Variants in DICER1 observed in about 807,000 individuals in gnomAD.
The protein encoded by DICER1 is endoribonuclease Dicer.
Under a neutral mutation model 194.1 loss-of-function variants are expected in DICER1, and 43 were observed. That is an observed-to-expected ratio of 0.22 (90% CI 0.17 to 0.29). DICER1 has a LOEUF of 0.29. DICER1 is among the 10% of genes least tolerant of loss of function. The pLI, the probability that DICER1 is intolerant of heterozygous loss-of-function variation, is 1.00. For synonymous variants in DICER1, 832 were observed against 820.5 expected, an observed-to-expected ratio of 1.01 and a Z score of -0.24; for missense variants, 1,608 against 2,317.0, an observed-to-expected ratio of 0.69 and a Z score of 6.28.
intron 17 of DICER1, among the ~76,000 whole-genome samples, chr14:95,106,496 A>G (rs570959227): frequency 6.6e-6 from 1 of 152,238 alleles, no homozygotes; most frequent in Admixed American, 6.5e-5. Flanking sequence ...GCACCTTTAC[A>G]TATCTATTTC....
At chr14:95,104,821 A>T (rs1188989619) in intron 20 of DICER1, among the ~76,000 whole-genome samples, 6 of 152,258 alleles carry the variant, frequency 3.9e-5, no homozygotes, top group Non-Finnish European at 8.8e-5. Context: ...AAGAAAAAAC[A>T]GACTGAAAAT....
At position 95,137,511 on chromosome 14, in the gene DICER1, GAAGGAAA is replaced by G. The variant is rs1489922873; in HGVS notation, c.-45-4015_-45-4009del. Among the ~76,000 whole-genome samples, 39 of 132,844 alleles carry G rather than the reference GAAGGAAA, an allele frequency of 2.9e-4. No individual in the cohort carries two copies. The Admixed American group carries it at 3.1e-3, about 11-fold the overall frequency. 87.2% of individuals were successfully genotyped at this position (132,844 alleles called of 152,430 possible). A position where few individuals can be genotyped will look rare whatever the true frequency, so the allele number is the denominator to read the frequency against. ...GGAAGGGGAAGGGAAAGGGGAAGGGGAAGGAAAAGGGAAAGGGGAAAGGGAAAGAAAA... is the reference window on the plus strand; with the variant it reads ...GGAAGGGGAAGGGAAAGGGGAAGGGGAGGGAAAGGGGAAAGGGAAAGAAAA... On this transcript the variant is annotated intron_variant, in intron 1 of 26. Transcript: ENST00000343455.
intron 9 of DICER1, 146 bp downstream of exon 9, chr14:95,117,476 A>G: frequency 1.2e-6 from 1 of 846,960 alleles, no homozygotes; most frequent in Non-Finnish European, 1.9e-6. Flanking sequence ...TCATGGGGAC[A>G]GCTGGTCTAA....
At chr14:95,122,478 G>C (rs1408438830) in intron 8 of DICER1, among the ~76,000 whole-genome samples, 1 of 152,020 alleles carries the variant, frequency 6.6e-6, no homozygotes, top group African/African-American at 2.4e-5. Context: ...CCTTAGTCAC[G>C]CTCTCCCAGG....
intron 17 of DICER1, among the ~76,000 whole-genome samples, chr14:95,106,560 A>G (rs1203924041): frequency 1.3e-5 from 2 of 152,144 alleles, no homozygotes; most frequent in African/African-American, 2.4e-5. Context: ...AATACTTTGT[A>G]TATTACTAAT....
chr14:95,129,325 A>C, intron 6 of DICER1, 147 bp downstream of exon 6: 1 of 708,948 alleles, frequency 1.4e-6, no homozygotes. Flanking sequence ...AATGGTACTT[A>C]TAGAGAATTC....
chr14:95,118,684 C>A (rs1168778316), intron 8 of DICER1, among the ~76,000 whole-genome samples: 2 of 152,072 alleles, frequency 1.3e-5, no homozygotes, highest in Non-Finnish European at 2.9e-5. Context: ...AAACTCAGCA[C>A]ACGGGATAAA....
intron 1 of DICER1, among the ~76,000 whole-genome samples, chr14:95,150,693 T>C (rs1755688170): frequency 6.6e-6 from 1 of 152,226 alleles, no homozygotes; most frequent in Non-Finnish European, 1.5e-5. Flanking sequence ...AAAGCTTTTC[T>C]GCAGATTACC....
chr14:95,103,664 A>C lies in DICER1; in HGVS notation c.3732T>G (p.Asp1244Glu). 1 of 1,614,212 alleles carries C rather than the reference A, an allele frequency of 6.2e-7. No homozygotes were observed. ...CTGAGGTAGATTTGTTAGCATTTCC[A>C]TCAAGGTATTTATTACTCAGGAGAG... Reference protein sequence around the residue: ...ECTLLSNKYLDGNANKSTSDG... With the variant: ...ECTLLSNKYLEGNANKSTSDG... The change falls in exon 21 of 27, where the codon GAT becomes GAG. Residue 1244 changes from aspartate to glutamate, a missense_variant. Coordinates refer to ENST00000343455, the MANE Select transcript of DICER1 (RefSeq NM_177438.3).
In DICER1 at chr14:95,120,299, C is replaced by A. The variant is rs546232154; in HGVS notation, c.1377-2545G>T. ...CATAATAGCATACGGATGTTGCACT[C>A]CCTAGATGGGTGCATAAGCGGCTGA... On this transcript the variant is annotated intron_variant, in intron 8 of 26. Transcript: ENST00000343455. 3.3e-5 allele frequency among the ~76,000 whole-genome samples: 5 copies of A among 152,246 alleles called. No homozygotes were observed. In the East Asian group the frequency reaches 9.7e-4, roughly 29 times the overall value.
At position 95,122,948 on chromosome 14, in the gene DICER1, G is replaced by GCA. The variant is rs1224198249; in HGVS notation, c.1376+1246_1376+1247dup. Among the ~76,000 whole-genome samples, 116 of 132,688 alleles carry GCA rather than the reference G, an allele frequency of 8.7e-4. 1 individual carries two copies. The highest frequency in any genetic ancestry group is 1.5e-3 in the Non-Finnish European group (96 of 64,298). 87.0% of individuals were successfully genotyped at this position (132,688 alleles called of 152,430 possible). ...CGCGTGCGTGTACGCGCGCGCGCGC[G>GCA]CACACACACACAAAGAAAGAAAAAG... On this transcript the variant is annotated intron_variant, in intron 8 of 26. Coordinates refer to ENST00000343455, the MANE Select transcript of DICER1 (RefSeq NM_177438.3).
intron 2 of DICER1, 108 bp downstream of exon 2, chr14:95,133,207 G>C (rs1345312665): frequency 9.1e-7 from 1 of 1,099,388 alleles, no homozygotes; most frequent in East Asian, 2.4e-5. Flanking sequence ...TTAATCAGAA[G>C]TGGGAGGCCT....
In DICER1 at chr14:95,089,515, A is replaced by T. The variant is rs1889606453; in HGVS notation, c.*983T>A. ...TTATTTTGTTAGAGCAACAGCCTAG[A>T]AGGCAAAATTATTTGCCATAAACAT... On this transcript the variant is annotated 3_prime_UTR_variant, in exon 27 of 27. Coordinates refer to ENST00000343455, the MANE Select transcript of DICER1 (RefSeq NM_177438.3). 1 of 232,266 alleles carries T rather than the reference A, an allele frequency of 4.3e-6. No individual in the cohort carries two copies. The highest frequency in any genetic ancestry group is 5.6e-5 in the Admixed American group (1 of 17,776). 14.4% of individuals were successfully genotyped at this position (232,266 alleles called of 1,614,324 possible).
intron 1 of DICER1, among the ~76,000 whole-genome samples, chr14:95,152,271 A>C (rs577983339): frequency 1.3e-5 from 2 of 152,376 alleles, no homozygotes; most frequent in South Asian, 4.1e-4. Context: ...GTTTCTGTGC[A>C]CATAATCATA....
intron 6 of DICER1, 180 bp downstream of exon 6, chr14:95,129,292 G>T: frequency 1.7e-6 from 1 of 591,530 alleles, no homozygotes; most frequent in Non-Finnish European, 3.0e-6. Flanking sequence ...TGGAAACAAC[G>T]TTAGATTCTT....
At chr14:95,150,106 T>C (rs998951056) in intron 1 of DICER1, among the ~76,000 whole-genome samples, 1 of 152,240 alleles carries the variant, frequency 6.6e-6, no homozygotes, top group Non-Finnish European at 1.5e-5. Context: ...GAAACAATTT[T>C]AAAGTTCTTA....
intron 8 of DICER1, among the ~76,000 whole-genome samples, chr14:95,122,925 C>G (rs537690776): frequency 1.3e-5 from 2 of 151,360 alleles, no homozygotes; most frequent in African/African-American, 2.4e-5. Context: ...CGCGTGTGCG[C>G]GTGCGTGTAC....
intron 26 of DICER1, 174 bp from the exon 27 acceptor site, chr14:95,090,837 G>T (rs553591810): frequency 1.0e-6 from 1 of 958,704 alleles, no homozygotes; most frequent in Non-Finnish European, 1.6e-6. Flanking sequence ...CAGGGCTGCC[G>T]TCTAGTCTTT....
At chr14:95,111,284 C>T (rs1283264863) in intron 14 of DICER1, 33 bp downstream of exon 14, 13 of 1,613,794 alleles carry the variant, frequency 8.1e-6, no homozygotes, top group African/African-American at 1.3e-5. Context: ...GTCAGAAATG[C>T]TAGGTTTTTA....
Sources: allele counts gnomAD v4.1 joint callset (sites outside exome capture counted in the v4.1 genomes callset), GRCh38; gene constraint gnomAD v4.1.1; transcripts MANE v1.5; gene names NCBI Gene and HGNC (gene_info 2026-07-23, HGNC 2026-07-21).